The following U2SURP variants were observed in gnomAD, a reference collection of about 807,000 sequenced individuals.
The protein encoded by U2SURP is U2 snRNP associated SURP domain containing.
Under a neutral mutation model 144.9 loss-of-function variants are expected in U2SURP, and 9 were observed. The observed-to-expected ratio is 0.06, with a 90% CI of 0.04 to 0.11. The LOEUF is 0.11. U2SURP is among the 10% of genes least tolerant of loss of function. The pLI, the probability that U2SURP is intolerant of heterozygous loss-of-function variation, is 1.00. For synonymous variants in U2SURP, 408 were observed against 396.8 expected (o/e 1.03, Z -0.33); for missense variants, 724 against 1,226.7 (o/e 0.59, Z 6.12).
intron 13 of U2SURP, among the ~76,000 whole-genome samples, chr3:143,025,600 C>T (rs987717063): frequency 6.6e-6 from 1 of 152,064 alleles, no homozygotes; most frequent in African/African-American, 2.4e-5. Context: ...ATGTCATTAA[C>T]CATATGAATG....
At chr3:143,005,524 A>C (rs1277836683) in intron 1 of U2SURP, among the ~76,000 whole-genome samples, 1 of 152,158 alleles carries the variant, frequency 6.6e-6, no homozygotes, top group Non-Finnish European at 1.5e-5. Flanking sequence ...TTTTGGTAGA[A>C]GGTTTTGTTT....
intron 18 of U2SURP, 126 bp downstream of exon 18, chr3:143,033,476 G>T: frequency 1.8e-6 from 1 of 565,710 alleles, no homozygotes. Flanking sequence ...CATGTCTGTG[G>T]GTTCCTTATC....
At chr3:143,018,429 G>A (rs1039284899) in intron 6 of U2SURP, among the ~76,000 whole-genome samples, 1 of 151,952 alleles carries the variant, frequency 6.6e-6, no homozygotes, top group African/African-American at 2.4e-5. Context: ...ACCATATATT[G>A]TTTATCCATG....
At chr3:143,001,744 C>T in intron 1 of U2SURP, 71 bp downstream of exon 1, 9 of 1,587,638 alleles carry the variant, frequency 5.7e-6, no homozygotes, top group Non-Finnish European at 7.7e-6. Context: ...ACGCTTCTGG[C>T]CTGTGAGAGG....
intron 23 of U2SURP, among the ~76,000 whole-genome samples, chr3:143,039,316 G>C (rs1230608574): frequency 6.6e-6 from 1 of 151,746 alleles, no homozygotes; most frequent in Non-Finnish European, 1.5e-5. Flanking sequence ...CCTTTCTTTT[G>C]GATTGTACAT....
rs144650903 is a variant in U2SURP, at chr3:143,035,708, A to G, written c.1942-274A>G. Among the ~76,000 whole-genome samples, 452 of 152,244 alleles carry G rather than the reference A, an allele frequency of 3.0e-3. 1 individual carries two copies. The highest frequency in any genetic ancestry group is 9.8e-3 in the African/African-American group (407 of 41,542). ...TGGAATGTGGCTCATGGGTAGTACT[A>G]ATGGTATGGGAGCTGACCTTAGGTG... On this transcript the variant is annotated intron_variant, in intron 19 of 27. Transcript: ENST00000473835.
chr3:143,056,207 T>G (rs1425884896), intron 27 of U2SURP, 105 bp from the exon 28 acceptor site: 1 of 1,224,552 alleles, frequency 8.2e-7, no homozygotes, highest in Non-Finnish European at 1.1e-6. Flanking sequence ...ATTGCAGTGA[T>G]TTTTCACTGT....
At chr3:143,014,263 A>T in intron 3 of U2SURP, 48 bp from the exon 4 acceptor site, 2 of 1,294,984 alleles carry the variant, frequency 1.5e-6, no homozygotes, top group Non-Finnish European at 2.1e-6. Flanking sequence ...TTAAAGTTTT[A>T]GATAGCATTA....
At chr3:143,010,113 C>T (rs1302454439) in intron 1 of U2SURP, among the ~76,000 whole-genome samples, 2 of 152,232 alleles carry the variant, frequency 1.3e-5, no homozygotes, top group Non-Finnish European at 1.5e-5. Flanking sequence ...TACAGCTTGT[C>T]ATCTTTGTCT....
In U2SURP at chr3:143,060,243, T is replaced by G. The variant is rs554207233; in HGVS notation, c.*3793T>G. The G allele has an allele frequency of 6.6e-6, 1 of 152,602 alleles. No individual in the cohort carries two copies. Among genetic ancestry groups the G allele is most frequent in the East Asian group, 1.9e-4 (1 of 5,192 alleles). 9.5% of individuals were successfully genotyped at this position (152,602 alleles called of 1,614,324 possible). On this transcript the variant is annotated 3_prime_UTR_variant, in exon 28 of 28. Transcript: ENST00000473835. ...TCTTTTACTTCAACGGGTTCTTGTCTGTTACATCTCTGGTGATTTGAAATA... is the reference window on the plus strand; with the variant it reads ...TCTTTTACTTCAACGGGTTCTTGTCGGTTACATCTCTGGTGATTTGAAATA...
intron 23 of U2SURP, among the ~76,000 whole-genome samples, chr3:143,039,599 ATTTTTTT>A (rs10706682): frequency 3.7e-5 from 5 of 136,792 alleles, no homozygotes; most frequent in Non-Finnish European, 6.3e-5. Flanking sequence ...AGGGAGTTGA[ATTTTTTT>A]TTTTTTTTTT....
chr3:143,022,112 A>C (rs191236239), intron 10 of U2SURP, among the ~76,000 whole-genome samples: 230 of 152,346 alleles, frequency 1.5e-3, no homozygotes, highest in African/African-American at 5.4e-3. Flanking sequence ...TTGTCAATAC[A>C]TATTTCCTCT....
intron 23 of U2SURP, among the ~76,000 whole-genome samples, chr3:143,042,843 G>A (rs1487780544): frequency 2.6e-5 from 4 of 152,100 alleles, no homozygotes; most frequent in Non-Finnish European, 5.9e-5. Context: ...TGTTGCAAAT[G>A]GAAGGCACAC....
rs759670533 is a variant in U2SURP at position 143,043,233 on chromosome 3, C to G, written c.2501C>G (p.Ser834Cys). 5 of 1,604,826 alleles carry G rather than the reference C, an allele frequency of 3.1e-6. No homozygotes were observed. The highest frequency in any genetic ancestry group is 4.3e-6 in the Non-Finnish European group (5 of 1,175,080). ...EMTESKFSKY[S>C]EMSEEKRAKL... ...ACTGAGTCTAAGTTCTCTAAGTACTCTGAAATGAGTGAGGAAAAACGAGCC... is the reference window on the plus strand; with the variant it reads ...ACTGAGTCTAAGTTCTCTAAGTACTGTGAAATGAGTGAGGAAAAACGAGCC... Residue 834 changes from serine to cysteine, a missense_variant, in exon 24 of 28, where the codon TCT becomes TGT. Physicochemically the swap from Ser to Cys is moderately radical, Grantham distance 112 (BLOSUM62 -1). Coordinates refer to ENST00000473835, the MANE Select transcript of U2SURP (RefSeq NM_001080415.2).
chr3:143,043,047 ATAGG>A, intron 23 of U2SURP, 66 bp from the exon 24 acceptor site: 2 of 1,383,508 alleles, frequency 1.4e-6, no homozygotes, highest in Non-Finnish European at 1.9e-6. Context: ...GAAAAATAAA[ATAGG>A]TAGACTGTAA....
At chr3:143,038,752 CTATT>C (rs1253522807) in intron 22 of U2SURP, 138 bp from the exon 23 acceptor site, 8 of 547,014 alleles carry the variant, frequency 1.5e-5, no homozygotes, top group South Asian at 8.1e-5. Context: ...ATAGAAATAA[CTATT>C]TAGAGAATTG....
At chr3:143,023,180 T>G (rs1035324910) in intron 12 of U2SURP, 116 bp downstream of exon 12, 2 of 915,036 alleles carry the variant, frequency 2.2e-6, no homozygotes, top group African/African-American at 3.4e-5. Flanking sequence ...TGGCAACTTT[T>G]AAAGAAATAA....
intron 24 of U2SURP, among the ~76,000 whole-genome samples, chr3:143,047,921 G>A (rs1934626118): frequency 1.3e-5 from 2 of 151,648 alleles, no homozygotes; most frequent in Admixed American, 1.3e-4. Context: ...TCAGAAGCCA[G>A]TTCTTAATCT....
At chr3:143,037,396 T>G (rs1933870154) in intron 21 of U2SURP, 61 bp downstream of exon 21, 2 of 1,449,328 alleles carry the variant, frequency 1.4e-6, no homozygotes, top group Admixed American at 1.9e-5. Flanking sequence ...AAAACTCTAA[T>G]TTCCATACAT....
Sources: allele counts gnomAD v4.1 joint callset (sites outside exome capture counted in the v4.1 genomes callset), GRCh38; gene constraint gnomAD v4.1.1; transcripts MANE v1.5; gene names NCBI Gene and HGNC (gene_info 2026-07-23, HGNC 2026-07-21).